ANGPT1: variants seen among roughly 807,000 people sequenced by gnomAD.
ANGPT1 encodes the protein angiopoietin-1.
A neutral mutation model predicts 62.2 loss-of-function variants in ANGPT1; 17 were observed. The ratio of observed to expected loss-of-function variants is 0.27; its 90% CI spans 0.19 to 0.41. The LOEUF (loss-of-function observed/expected upper bound fraction) is 0.41. ANGPT1 is among the 10% of genes least tolerant of loss of function. The pLI, the probability that ANGPT1 is intolerant of heterozygous loss-of-function variation, is 1.00. For synonymous variants in ANGPT1, 199 were observed against 198.9 expected (o/e 1.00, Z 0.00); for missense variants, 478 against 594.9 (o/e 0.80, Z 2.04).
chr8:107,303,559 G>T (rs948843284), intron 4 of ANGPT1, among the ~76,000 whole-genome samples, 192 bp from the exon 5 acceptor site: 5 of 131,984 alleles, frequency 3.8e-5, no homozygotes, highest in Non-Finnish European at 8.2e-5. Flanking sequence ...AAAAACTGAA[G>T]GAAAAAGCTG....
intron 4 of ANGPT1, among the ~76,000 whole-genome samples, chr8:107,320,172 G>A (rs1470811065): frequency 1.3e-5 from 2 of 152,130 alleles, no homozygotes; most frequent in Non-Finnish European, 2.9e-5. Context: ...TTTCAAAAAT[G>A]TTTCTTAAAT....
chr8:107,305,318 AT>A (rs1814687981), intron 4 of ANGPT1, among the ~76,000 whole-genome samples: 1 of 151,918 alleles, frequency 6.6e-6, no homozygotes, highest in Non-Finnish European at 1.5e-5. Context: ...AGAGAAAGTC[AT>A]TTATCTATGG....
At chr8:107,338,813 T>A (rs1341359284) in intron 2 of ANGPT1, among the ~76,000 whole-genome samples, 1 of 152,192 alleles carries the variant, frequency 6.6e-6, no homozygotes, top group African/African-American at 2.4e-5. Context: ...TGACAATTTA[T>A]AAAATAATGA....
chr8:107,497,124 G>T, intron 1 of ANGPT1, 138 bp downstream of exon 1: 1 of 1,013,474 alleles, frequency 9.9e-7, no homozygotes. Flanking sequence ...AACCCAGACA[G>T]CCGTCTTGCA....
intron 1 of ANGPT1, among the ~76,000 whole-genome samples, chr8:107,464,722 T>C (rs1387995098): frequency 6.6e-6 from 1 of 152,152 alleles, no homozygotes; most frequent in Admixed American, 6.6e-5. Flanking sequence ...CGTAAATTTA[T>C]TGTAAGGATC....
intron 1 of ANGPT1, among the ~76,000 whole-genome samples, chr8:107,435,961 G>C (rs1811321803): frequency 6.6e-6 from 1 of 152,166 alleles, no homozygotes; most frequent in Non-Finnish European, 1.5e-5. Flanking sequence ...AGAGTGCAGT[G>C]GCCTAATCAC....
intron 1 of ANGPT1, among the ~76,000 whole-genome samples, chr8:107,377,014 T>G (rs1268128016): frequency 2.0e-5 from 3 of 152,136 alleles, no homozygotes. Context: ...AGCTCATCAC[T>G]GATTACACAA....
chr8:107,303,845 C>G (rs1814652843), intron 4 of ANGPT1, among the ~76,000 whole-genome samples: 1 of 151,388 alleles, frequency 6.6e-6, no homozygotes, highest in African/African-American at 2.4e-5. Context: ...GTTTAAAACA[C>G]TAAAACAATG....
In ANGPT1 at chr8:107,250,115, A is replaced by T. The variant is rs1025424980; in HGVS notation, c.*1740T>A. The T allele has an allele frequency of 6.6e-6, 1 of 152,394 alleles. No homozygotes were observed. The highest frequency in any genetic ancestry group is 1.5e-5 in the Non-Finnish European group (1 of 68,018). The allele number at this position is 152,394 out of a possible 1,614,324, so 9.4% of individuals were successfully genotyped here. A position where few individuals can be genotyped will look rare whatever the true frequency, so the allele number is the denominator to read the frequency against. ...CTCAAATGGAGGAAACCATTAAGGC[A>T]TAGTGGATCAAGTCACCAAGTTTGA... On this transcript the variant is annotated 3_prime_UTR_variant, in exon 9 of 9. Coordinates refer to ENST00000517746, the MANE Select transcript of ANGPT1 (RefSeq NM_001146.5).
intron 1 of ANGPT1, among the ~76,000 whole-genome samples, chr8:107,441,097 T>C (rs1161915803): frequency 6.6e-6 from 1 of 152,210 alleles, no homozygotes; most frequent in Non-Finnish European, 1.5e-5. Flanking sequence ...GTAGCCAGAA[T>C]AAAGCAAATT....
intron 1 of ANGPT1, chr8:107,494,939 T>C (rs888673092): frequency 3.9e-5 from 6 of 152,196 alleles, no homozygotes; most frequent in Non-Finnish European, 8.8e-5. Flanking sequence ...AGCCTCAGTT[T>C]CTGCAGGGTG....
At chr8:107,378,511 T>A (rs1386623648) in intron 1 of ANGPT1, among the ~76,000 whole-genome samples, 2 of 152,186 alleles carry the variant, frequency 1.3e-5, no homozygotes, top group Non-Finnish European at 2.9e-5. Context: ...ACACACCATA[T>A]ATACCTAACT....
intron 6 of ANGPT1, among the ~76,000 whole-genome samples, chr8:107,286,393 T>TA (rs1222105450): frequency 6.6e-6 from 1 of 152,168 alleles, no homozygotes; most frequent in Non-Finnish European, 1.5e-5. Flanking sequence ...GGAAAAATTT[T>TA]AAAAATTTAA....
Position 107,495,916 on chromosome 8 carries a change from A to G in ANGPT1, c.297+1346T>C, listed in dbSNP as rs934921242. ...TATAGTCTGTAATAGAAAGATTACA[A>G]TATCAGCTTTGGAAACTGTAGAACT... is the stretch of plus-strand genomic sequence containing the variant. On this transcript the variant is annotated intron_variant, in intron 1 of 8. Transcript: ENST00000517746. Among the ~76,000 whole-genome samples the G allele has an allele frequency of 2.6e-5, 4 of 152,288 alleles. No individual in the cohort carries two copies. In the South Asian group the frequency reaches 6.2e-4, roughly 24 times the overall value.
At chr8:107,355,316 C>T (rs1423316680) in intron 1 of ANGPT1, among the ~76,000 whole-genome samples, 1 of 152,126 alleles carries the variant, frequency 6.6e-6, no homozygotes, top group African/African-American at 2.4e-5. Context: ...CATCAGTTTT[C>T]TTCTGGATTT....
At chr8:107,379,017 C>T (rs1816585467) in intron 1 of ANGPT1, among the ~76,000 whole-genome samples, 1 of 151,362 alleles carries the variant, frequency 6.6e-6, no homozygotes, top group South Asian at 2.1e-4. Context: ...TCTAAATTTT[C>T]AAAAGTTTTA....
rs146588224 is a variant in ANGPT1, at chr8:107,293,408, G to A, written c.1038+528C>T. ...CTAATAAAACTAAAAAAGGCTGAAA[G>A]CTCCTGCTTTGTCTTTGGAGGATGA... On this transcript the variant is annotated intron_variant, in intron 6 of 8. Transcript: ENST00000517746. Among the ~76,000 whole-genome samples, 18 of 152,282 alleles carry A rather than the reference G, an allele frequency of 1.2e-4. No individual in the cohort carries two copies. The East Asian group carries it at 3.5e-3, about 29-fold the overall frequency.
chr8:107,310,158 T>C lies in ANGPT1; in HGVS notation c.809-6791A>G, dbSNP rs573384215. Among the ~76,000 whole-genome samples, 186 of 152,290 alleles carry C rather than the reference T, an allele frequency of 1.2e-3. 1 individual carries two copies. In the Middle Eastern group the frequency reaches 0.017, roughly 14 times the overall value. ...TATAATAATCATGATCATAATAAAA[T>C]CAACTAGCATTAATTGAACACTTAC... On this transcript the variant is annotated intron_variant, in intron 4 of 8. Transcript: ENST00000517746.
chr8:107,353,824 A>C (rs2130180670), intron 1 of ANGPT1, among the ~76,000 whole-genome samples: 1 of 152,294 alleles, frequency 6.6e-6, no homozygotes, highest in South Asian at 2.1e-4. Flanking sequence ...TCATTTCAAT[A>C]GAATTGGTGA....
Sources: gnomAD v4.1 joint callset for allele counts (sites outside exome capture counted in the v4.1 genomes callset) on GRCh38, gnomAD v4.1.1 for gene constraint, MANE v1.5 for transcripts, NCBI Gene and HGNC (gene_info 2026-07-23, HGNC 2026-07-21) for gene names.